The following SYNDIG1L variants were observed in gnomAD, a reference collection of about 807,000 sequenced individuals.
SYNDIG1L encodes the protein synapse differentiation inducing 1 like.
In SYNDIG1L, 13 loss-of-function variants were observed where a neutral mutation model predicts 20.1. The observed-to-expected ratio is 0.65, with a 90% CI of 0.42 to 1.03. SYNDIG1L has a LOEUF of 1.03. Ranked by LOEUF, SYNDIG1L falls within the 50% of genes least tolerant of loss-of-function variation. SYNDIG1L has a pLI of 0.00. For synonymous variants in SYNDIG1L, 128 were observed against 129.3 expected (o/e 0.99, Z 0.07); for missense variants, 294 against 305.1 (o/e 0.96, Z 0.27).
the SYNDIG1L span, among the ~76,000 whole-genome samples, chr14:74,452,653 C>T: frequency 6.6e-6 from 1 of 152,176 alleles, no homozygotes; most frequent in African/African-American, 2.4e-5. Context: ...TACAGTGGCA[C>T]AAACACTTTA....
the SYNDIG1L span, among the ~76,000 whole-genome samples, chr14:74,448,666 A>G: frequency 6.6e-6 from 1 of 152,328 alleles, no homozygotes; most frequent in African/African-American, 2.4e-5. Context: ...AAAGGATTCA[A>G]GTCATATAAA....
intron 1 of SYNDIG1L, among the ~76,000 whole-genome samples, chr14:74,419,216 A>G (rs11622830): frequency 0.52 from 79,569 of 152,030 alleles, 21,028 homozygotes; most frequent in African/African-American, 0.6. Flanking sequence ...TGCTCTTCAC[A>G]GCTCCATGCT....
chr14:74,461,289 T>G, the SYNDIG1L span, among the ~76,000 whole-genome samples: 1 of 152,174 alleles, frequency 6.6e-6, no homozygotes, highest in Admixed American at 6.5e-5. Flanking sequence ...ATTTTCTGTT[T>G]CCTGAGCTCG....
At position 74,407,466 on chromosome 14, in the gene SYNDIG1L, G is replaced by A. The variant is rs1052360049; in HGVS notation, c.*69C>T. ...TTCAGGGGCCGGGCCTTTCCATAGGGTCTGCAACTCCAAGCCCCACTGCTT... is the reference window on the plus strand; with the variant it reads ...TTCAGGGGCCGGGCCTTTCCATAGGATCTGCAACTCCAAGCCCCACTGCTT... On this transcript the variant is annotated 3_prime_UTR_variant, in exon 4 of 4. Transcript: ENST00000331628. 6.9e-6 allele frequency: 11 copies of A among 1,598,826 alleles called. No homozygotes were observed. In the African/African-American group the frequency reaches 1.3e-4, roughly 19 times the overall value.
At position 74,407,851 on chromosome 14, in the gene SYNDIG1L, C is replaced by G. The variant is rs748985108; in HGVS notation, c.556G>C (p.Gly186Arg). 1.2e-5 allele frequency: 20 copies of G among 1,611,966 alleles called. No homozygotes were observed. The East Asian group carries it at 1.3e-4, about 11-fold the overall frequency. The change falls in exon 3 of 4, where the codon GGG (glycine) becomes CGG (arginine). Residue 186 changes from glycine (G) to arginine (R), a missense_variant and splice_region_variant. Gly to Arg is a moderately radical substitution (Grantham distance 125, BLOSUM62 -2). Coordinates refer to ENST00000331628, the MANE Select transcript of SYNDIG1L (RefSeq NM_001105579.2). ...LGIAAFYFSQ[G>R]TSKAISKGDF... ...ACCTGGGCCCCAGGTGCTCTTACCC[C>G]CTGGGAGAAGTAGAAGGCAGCAATG...
the SYNDIG1L span, among the ~76,000 whole-genome samples, chr14:74,457,082 C>T: frequency 6.6e-6 from 1 of 152,220 alleles, no homozygotes; most frequent in Admixed American, 6.5e-5. Flanking sequence ...TGCCCAAGGC[C>T]TTCAAAGAGA....
chr14:74,480,101 C>T, the SYNDIG1L span: 4 of 1,546,330 alleles, frequency 2.6e-6, no homozygotes, highest in Middle Eastern at 1.7e-4. Flanking sequence ...CATGAGACAA[C>T]CACTGAGAAC....
chr14:74,441,998 C>T, the SYNDIG1L span, among the ~76,000 whole-genome samples: 1 of 152,170 alleles, frequency 6.6e-6, no homozygotes, highest in Non-Finnish European at 1.5e-5. Flanking sequence ...ATCAGAAAAG[C>T]AGGTTCAGAT....
the SYNDIG1L span, among the ~76,000 whole-genome samples, chr14:74,468,502 A>C: frequency 6.7e-6 from 1 of 148,292 alleles, no homozygotes; most frequent in African/African-American, 2.5e-5. Flanking sequence ...TTTTCCCTCA[A>C]CCTTTATCCT....
the SYNDIG1L span, among the ~76,000 whole-genome samples, chr14:74,432,077 C>T: frequency 6.6e-6 from 1 of 150,942 alleles, no homozygotes; most frequent in Non-Finnish European, 1.5e-5. Context: ...AACACTCAGC[C>T]TACTGTTTCC....
chr14:74,475,329 A>C, the SYNDIG1L span, among the ~76,000 whole-genome samples: 1 of 151,354 alleles, frequency 6.6e-6, no homozygotes, highest in East Asian at 1.9e-4. Flanking sequence ...TGAGGTGGGT[A>C]TATTCTTATC....
At chr14:74,440,245 G>A in the SYNDIG1L span, among the ~76,000 whole-genome samples, 2 of 152,124 alleles carry the variant, frequency 1.3e-5, no homozygotes, top group East Asian at 3.9e-4. Flanking sequence ...GCCGGGCGCG[G>A]TGGCTCACAC....
chr14:74,409,036 T>C (rs1291515779), intron 2 of SYNDIG1L, among the ~76,000 whole-genome samples: 1 of 151,138 alleles, frequency 6.6e-6, no homozygotes, highest in Non-Finnish European at 1.5e-5. Flanking sequence ...GATGGGGCTC[T>C]GGGAACTTGC....
chr14:74,440,514 C>CAAAAAAAAA, the SYNDIG1L span, among the ~76,000 whole-genome samples: 1 of 48,498 alleles, frequency 2.1e-5, no homozygotes, highest in African/African-American at 1.7e-4. Flanking sequence ...GACTCCGTCT[C>CAAAAAAAAA]ATAAAAAAAA....
At chr14:74,434,263 T>C in the SYNDIG1L span, among the ~76,000 whole-genome samples, 1 of 152,136 alleles carries the variant, frequency 6.6e-6, no homozygotes, top group African/African-American at 2.4e-5. Flanking sequence ...TAAATATCCA[T>C]TGAGTGAATG....
the SYNDIG1L span, among the ~76,000 whole-genome samples, chr14:74,446,532 A>G: frequency 6.6e-6 from 1 of 152,250 alleles, no homozygotes; most frequent in Non-Finnish European, 1.5e-5. Context: ...GTTTATTGCT[A>G]TTACAACAAA....
At chr14:74,479,455 A>G in the SYNDIG1L span, 2 of 152,518 alleles carry the variant, frequency 1.3e-5, no homozygotes, top group African/African-American at 4.8e-5. Context: ...ACTGACTCAA[A>G]ATAGGTGGCA....
the SYNDIG1L span, among the ~76,000 whole-genome samples, chr14:74,460,721 C>T: frequency 1.2e-4 from 18 of 152,216 alleles, no homozygotes; most frequent in South Asian, 2.1e-4. Context: ...CTGCAACCTC[C>T]GCCTCCTGGG....
In SYNDIG1L at chr14:74,409,652, G is replaced by C. The variant is rs61734850; in HGVS notation, c.93C>G (p.Ser31Arg). The C allele has an allele frequency of 0.11, 167,997 of 1,495,712 alleles. 9,763 individuals carry two copies. The highest frequency in any genetic ancestry group is 0.2 in the Admixed American group (8,217 of 41,608). The allele number at this position is 1,495,712 out of a possible 1,614,324, so 92.7% of individuals were successfully genotyped here. A position where few individuals can be genotyped will look rare whatever the true frequency, so the allele number is the denominator to read the frequency against. ...AGTAGAGCTTTTCCTGGCAGGACCAGCTGGGTGGGGTCTCCGGGTAGGGAT... is the reference window on the plus strand; with the variant it reads ...AGTAGAGCTTTTCCTGGCAGGACCACCTGGGTGGGGTCTCCGGGTAGGGAT... ...GPYPYPETPP[S>R]WSCQEKLYSY... The change falls in exon 2 of 4, where the codon AGC becomes AGG. Residue 31 changes from serine to arginine, a missense_variant. Ser to Arg is a moderately radical substitution (Grantham distance 110, BLOSUM62 -1). Transcript: ENST00000331628.
Sources: allele counts gnomAD v4.1 joint callset (sites outside exome capture counted in the v4.1 genomes callset), GRCh38; gene constraint gnomAD v4.1.1; transcripts MANE v1.5; gene names NCBI Gene and HGNC (gene_info 2026-07-23, HGNC 2026-07-21).